The following TAB2 variants were observed in gnomAD, a reference collection of about 807,000 sequenced individuals.
The protein encoded by TAB2 is TGF-beta-activated kinase 1 and MAP3K7-binding protein 2.
TAB2 carries 3 observed loss-of-function variants against 65.0 expected under a neutral mutation model. The ratio of observed to expected loss-of-function variants is 0.05; its 90% CI spans 0.02 to 0.12. The LOEUF (loss-of-function observed/expected upper bound fraction) is 0.12, where lower values mean the gene tolerates loss of function less well. TAB2 is among the 10% of genes least tolerant of loss of function. The pLI, the probability that TAB2 is intolerant of heterozygous loss-of-function variation, is 1.00. For synonymous variants in TAB2, 298 were observed against 285.1 expected, an observed-to-expected ratio of 1.05 and a Z score of -0.46; for missense variants, 623 against 840.3, an observed-to-expected ratio of 0.74 and a Z score of 3.20.
At chr6:149,397,482 C>A (rs796230772) in intron 3 of TAB2, 122 bp from the exon 4 acceptor site, 10 of 1,110,196 alleles carry the variant, frequency 9.0e-6, no homozygotes, top group African/African-American at 3.1e-5. Context: ...CCTAAACTTA[C>A]AATATTTTGT....
intron 1 of TAB2, among the ~76,000 whole-genome samples, chr6:149,364,865 T>G (rs9689926): frequency 6.6e-6 from 1 of 151,800 alleles, no homozygotes; most frequent in Non-Finnish European, 1.5e-5. Flanking sequence ...TAAACTGCAC[T>G]GAATATGAAG....
chr6:149,240,723 T>C (rs1433685736), intron 1 of TAB2, among the ~76,000 whole-genome samples: 3 of 152,206 alleles, frequency 2.0e-5, no homozygotes, highest in Non-Finnish European at 2.9e-5. Flanking sequence ...GTAATGTCTG[T>C]CCAATTTTGT....
intron 1 of TAB2, among the ~76,000 whole-genome samples, chr6:149,308,211 T>C (rs1779102682): frequency 6.6e-6 from 1 of 152,178 alleles, no homozygotes; most frequent in Non-Finnish European, 1.5e-5. Context: ...GTACATCTAG[T>C]TATTTATTCC....
chr6:149,398,160 T>G (rs1782239452), intron 5 of TAB2, 98 bp downstream of exon 5: 1 of 1,028,378 alleles, frequency 9.7e-7, no homozygotes, highest in Non-Finnish European at 1.5e-6. Context: ...AATCTTACTG[T>G]CTCAGAACAT....
At chr6:149,260,021 G>T (rs574649190) in intron 1 of TAB2, among the ~76,000 whole-genome samples, 1 of 152,252 alleles carries the variant, frequency 6.6e-6, no homozygotes. Flanking sequence ...CTCATTATCT[G>T]CCCTCTTTCT....
chr6:149,400,582 G>A, intron 6 of TAB2: 1 of 1,614,192 alleles, frequency 6.2e-7, no homozygotes, highest in South Asian at 1.1e-5. Flanking sequence ...CGATTTGGTG[G>A]GCAACCAATC....
At chr6:149,254,001 A>AGAAT (rs1316108233) in intron 1 of TAB2, among the ~76,000 whole-genome samples, 1 of 149,756 alleles carries the variant, frequency 6.7e-6, no homozygotes, top group Non-Finnish European at 1.5e-5. Flanking sequence ...AAAGAAAGAA[A>AGAAT]GAAAGAAAGA....
chr6:149,318,341 G>A (rs1779325585), intron 1 of TAB2, among the ~76,000 whole-genome samples: 1 of 152,080 alleles, frequency 6.6e-6, no homozygotes, highest in African/African-American at 2.4e-5. Context: ...AGGGCGCAAG[G>A]GGCTCGGGAG....
chr6:149,260,804 G>A (rs1188313612), intron 1 of TAB2, among the ~76,000 whole-genome samples: 7 of 152,184 alleles, frequency 4.6e-5, no homozygotes, highest in Admixed American at 2.0e-4. Flanking sequence ...TGAAAGACAC[G>A]TACTGACCTG....
intron 1 of TAB2, chr6:149,321,492 A>T (rs1248421105): frequency 6.6e-6 from 1 of 152,198 alleles, no homozygotes; most frequent in Non-Finnish European, 1.5e-5. Flanking sequence ...CTAAGAGGGT[A>T]CTATCTTTTT....
chr6:149,400,828 C>A (rs1271683036), intron 6 of TAB2: 3 of 902,066 alleles, frequency 3.3e-6, no homozygotes, highest in Non-Finnish European at 5.0e-6. Context: ...CTTCCACATT[C>A]TTTTATTATA....
intron 1 of TAB2, among the ~76,000 whole-genome samples, chr6:149,278,227 GA>G (rs1249839467): frequency 6.6e-6 from 1 of 152,102 alleles, no homozygotes; most frequent in African/African-American, 2.4e-5. Context: ...CAATGCATAA[GA>G]GAAAAAATAT....
At chr6:149,391,499 C>T (rs550760266) in intron 3 of TAB2, among the ~76,000 whole-genome samples, 4 of 151,812 alleles carry the variant, frequency 2.6e-5, no homozygotes, top group Admixed American at 2.0e-4. Flanking sequence ...ATCTATTTCT[C>T]GTTACATCTT....
chr6:149,320,029 A>C (rs1779383750), intron 1 of TAB2, among the ~76,000 whole-genome samples: 1 of 152,188 alleles, frequency 6.6e-6, no homozygotes, highest in Non-Finnish European at 1.5e-5. Context: ...CCTTCAGCTA[A>C]GGGTATTGCT....
intron 6 of TAB2, chr6:149,400,495 A>G: frequency 6.2e-7 from 1 of 1,614,274 alleles, no homozygotes; most frequent in African/African-American, 1.3e-5. Flanking sequence ...TTTAAGATTA[A>G]GAGGCAGACA....
intron 1 of TAB2, chr6:149,243,481 G>A (rs1300183517): frequency 2.0e-5 from 3 of 152,176 alleles, no homozygotes; most frequent in African/African-American, 7.2e-5. Flanking sequence ...ATTATATCCA[G>A]TTTCTGTGTG....
intron 1 of TAB2, among the ~76,000 whole-genome samples, chr6:149,337,620 T>G (rs1779974060): frequency 6.6e-6 from 1 of 152,240 alleles, no homozygotes; most frequent in Admixed American, 6.5e-5. Context: ...CAATTGTAGA[T>G]AAACTGTTTA....
chr6:149,263,562 T>C (rs907119933), intron 1 of TAB2, among the ~76,000 whole-genome samples: 1 of 152,156 alleles, frequency 6.6e-6, no homozygotes, highest in African/African-American at 2.4e-5. Context: ...AAGGAAGAAG[T>C]GCCATGTTAA....
chr6:149,281,353 A>G (rs1291648237), intron 1 of TAB2, among the ~76,000 whole-genome samples: 1 of 152,094 alleles, frequency 6.6e-6, no homozygotes, highest in Non-Finnish European at 1.5e-5. Context: ...AATAAACTCT[A>G]AAGCAACCAC....
Sources: gnomAD v4.1 joint callset for allele counts (sites outside exome capture counted in the v4.1 genomes callset) on GRCh38, gnomAD v4.1.1 for gene constraint, MANE v1.5 for transcripts, NCBI Gene and HGNC (gene_info 2026-07-23, HGNC 2026-07-21) for gene names.